Variants in SENP6 observed in about 807,000 individuals in gnomAD.
The protein encoded by SENP6 is SUMO specific peptidase 6, also known as sentrin-specific protease 6.
Under a neutral mutation model 134.5 loss-of-function variants are expected in SENP6, and 41 were observed. That is an observed-to-expected ratio of 0.30 (90% CI 0.24 to 0.40). The LOEUF is 0.40. SENP6 is among the 10% of genes least tolerant of loss of function. The pLI, the probability that SENP6 is intolerant of heterozygous loss-of-function variation, is 1.00. For synonymous variants in SENP6, 395 were observed against 429.8 expected, an observed-to-expected ratio of 0.92 and a Z score of 1.00; for missense variants, 1,248 against 1,312.5, an observed-to-expected ratio of 0.95 and a Z score of 0.76.
chr6:75,701,972 A>G (rs1317457643), intron 18 of SENP6, among the ~76,000 whole-genome samples: 3 of 152,130 alleles, frequency 2.0e-5, no homozygotes, highest in African/African-American at 7.2e-5. Flanking sequence ...ATAGCTTTCC[A>G]TCTTTTTACA....
chr6:75,614,409 G>A (rs1767696068), intron 1 of SENP6, among the ~76,000 whole-genome samples: 1 of 151,910 alleles, frequency 6.6e-6, no homozygotes, highest in African/African-American at 2.4e-5. Context: ...GGGATTACAG[G>A]TGTGCACCAC....
chr6:75,602,555 G>A lies in SENP6; in HGVS notation c.31G>A (p.Gly11Arg). The change falls in exon 1 of 24, where the codon GGG becomes AGG. Residue 11 changes from glycine to arginine, a missense_variant. Coordinates refer to ENST00000447266, the MANE Select transcript of SENP6 (RefSeq NM_015571.4). MAAGKSGGSA[G>R]EITFLEALAR... ...GGCCGGCAAGAGCGGCGGTAGCGCA[G>A]GGGAGATTACTTTTCTGGAAGGTAC... is the stretch of plus-strand genomic sequence containing the variant. 2 of 1,551,614 alleles carry A rather than the reference G, an allele frequency of 1.3e-6. No individual in the cohort carries two copies. The highest frequency in any genetic ancestry group is 2.4e-5 in the East Asian group (1 of 40,910).
At position 75,663,086 on chromosome 6, in the gene SENP6, A is replaced by G. The variant is rs561952208; in HGVS notation, c.697-135A>G. The stretch of plus-strand genomic sequence containing the variant: ...CTTTGAGGGGATTCCTTAATGATGC[A>G]GTAAAATGCCAAAATCTTTTATTTC... On this transcript the variant is annotated intron_variant, in intron 8 of 23. Transcript: ENST00000447266. 3.5e-4 allele frequency: 270 copies of G among 767,646 alleles called. No homozygotes were observed. In the Middle Eastern group the frequency reaches 4.2e-3, roughly 12 times the overall value. 47.6% of individuals were successfully genotyped at this position (767,646 alleles called of 1,614,324 possible).
chr6:75,624,227 G>A (rs10943273), intron 3 of SENP6, among the ~76,000 whole-genome samples: 47,587 of 151,796 alleles, frequency 0.31, 8,781 homozygotes, highest in Admixed American at 0.48. Context: ...ATATTATCTT[G>A]GAGACCATCT....
In SENP6 at chr6:75,625,137, G is replaced by A. The variant is rs534392708; in HGVS notation, c.207+1177G>A. On this transcript the variant is annotated intron_variant, in intron 3 of 23. Coordinates refer to ENST00000447266, the MANE Select transcript of SENP6 (RefSeq NM_015571.4). Reference sequence around the variant, plus strand: ...CTTTTTTTTTTTTTTTTTTTCAGACGGAGTCTGGCTCTTGCCCAGAATAGA... The same window carrying A: ...CTTTTTTTTTTTTTTTTTTTCAGACAGAGTCTGGCTCTTGCCCAGAATAGA... Among the ~76,000 whole-genome samples the A allele has an allele frequency of 1.7e-3, 168 of 101,518 alleles. 6 individuals are homozygous for A. The highest frequency in any genetic ancestry group is 5.0e-4 in the Non-Finnish European group (26 of 52,278). 66.6% of individuals were successfully genotyped at this position (101,518 alleles called of 152,430 possible).
intron 12 of SENP6, 92 bp downstream of exon 12, chr6:75,675,560 T>A: frequency 1.2e-6 from 1 of 802,770 alleles, no homozygotes; most frequent in Non-Finnish European, 1.9e-6. Flanking sequence ...TCATAGAATT[T>A]ATTAAGATGG....
chr6:75,704,078 C>T (rs537199353), intron 19 of SENP6, among the ~76,000 whole-genome samples: 1 of 152,160 alleles, frequency 6.6e-6, no homozygotes, highest in African/African-American at 2.4e-5. Context: ...GTGAACAGTC[C>T]TGAAGGGGTG....
At chr6:75,637,465 T>G (rs1412501794) in intron 5 of SENP6, among the ~76,000 whole-genome samples, 2 of 152,202 alleles carry the variant, frequency 1.3e-5, no homozygotes, top group Non-Finnish European at 2.9e-5. Context: ...TAAATTCATA[T>G]TTAAAAGATA....
Position 75,640,686 on chromosome 6 carries a change from G to A in SENP6, c.461G>A (p.Ser154Asn). The change falls in exon 6 of 24, where the codon AGT (serine) becomes AAT (asparagine). Residue 154 changes from serine (S) to asparagine (N), a missense_variant and splice_region_variant. By Grantham distance (46) the Ser-to-Asn change is conservative. Around this residue, in one of 3 missense-constraint regions of SENP6, gnomAD observed 733 missense variants for 725.4 expected, o/e 1.01. Coordinates refer to ENST00000447266, the MANE Select transcript of SENP6 (RefSeq NM_015571.4). ...TTTTTTCTTTTTCATGTTTTAAGCAGTCTGGACCGAAAAGAAAGGTAAGCT... is the reference window on the plus strand; with the variant it reads ...TTTTTTCTTTTTCATGTTTTAAGCAATCTGGACCGAAAAGAAAGGTAAGCT... Reference protein sequence around the residue: ...IPVVKTAAQSSLDRKERKEYP... With the variant: ...IPVVKTAAQSNLDRKERKEYP... 1 of 1,530,778 alleles carries A rather than the reference G, an allele frequency of 6.5e-7. No individual in the cohort carries two copies. The allele number at this position is 1,530,778 out of a possible 1,614,324, so 94.8% of individuals were successfully genotyped here.
At position 75,663,418 on chromosome 6, in the gene SENP6, T is replaced by C. The variant is rs758078754; in HGVS notation, c.894T>C (p.Tyr298=). ...ATTGTGATGACAGTAAACACACTTA[T>C]TTACAGACTAATGGAAAAGTCATTT... is the stretch of plus-strand genomic sequence containing the variant. ...IVNCDDSKHT[Y]LQTNGKVILP... is the part of the protein sequence containing the mutation. Residue 298 remains tyrosine, a synonymous_variant, in exon 9 of 24, where the codon TAT becomes TAC. Coordinates refer to ENST00000447266, the MANE Select transcript of SENP6 (RefSeq NM_015571.4). 32 of 1,613,462 alleles carry C rather than the reference T, an allele frequency of 2.0e-5. No individual in the cohort carries two copies. The highest frequency in any genetic ancestry group is 1.8e-4 in the East Asian group (8 of 44,794).
intron 2 of SENP6, 39 bp downstream of exon 2, chr6:75,621,664 A>G (rs181706733): frequency 1.6e-6 from 2 of 1,223,466 alleles, no homozygotes; most frequent in Admixed American, 2.0e-5. Flanking sequence ...TTATAAGAAT[A>G]AAACTTCTCA....
intron 7 of SENP6, among the ~76,000 whole-genome samples, chr6:75,651,440 G>T (rs1044444727): frequency 2.0e-5 from 3 of 152,010 alleles, no homozygotes; most frequent in Non-Finnish European, 4.4e-5. Flanking sequence ...CTGCAGCCTC[G>T]ACCTCCTAGT....
intron 3 of SENP6, among the ~76,000 whole-genome samples, chr6:75,626,078 A>G (rs1261856406): frequency 6.6e-6 from 1 of 152,060 alleles, no homozygotes; most frequent in African/African-American, 2.4e-5. Context: ...GTAATTTGAA[A>G]TTGTTTATTT....
intron 21 of SENP6, 47 bp downstream of exon 21, chr6:75,711,463 G>T (rs1043361159): frequency 3.9e-6 from 5 of 1,274,920 alleles, no homozygotes; most frequent in African/African-American, 1.5e-5. Context: ...TTTTAAGTAT[G>T]CTCATAAAAC....
intron 5 of SENP6, chr6:75,635,186 A>T: frequency 4.3e-6 from 1 of 233,198 alleles, no homozygotes; most frequent in South Asian, 5.8e-5. Flanking sequence ...GGCTTATAAG[A>T]GTTCATAGCA....
At chr6:75,614,390 C>T (rs559282276) in intron 1 of SENP6, among the ~76,000 whole-genome samples, 1 of 151,832 alleles carries the variant, frequency 6.6e-6, no homozygotes, top group Non-Finnish European at 1.5e-5. Flanking sequence ...CTCAGCCTCC[C>T]GAGTAGCTGG....
At chr6:75,621,719 G>T in intron 2 of SENP6, 94 bp downstream of exon 2, 2 of 707,892 alleles carry the variant, frequency 2.8e-6, no homozygotes, top group South Asian at 2.0e-5. Flanking sequence ...TTAGGAGTAT[G>T]GTATTCTTAA....
intron 20 of SENP6, among the ~76,000 whole-genome samples, chr6:75,710,708 C>T (rs1222752502): frequency 6.6e-6 from 1 of 152,056 alleles, no homozygotes; most frequent in Non-Finnish European, 1.5e-5. Context: ...TACTATTATT[C>T]CTACTATTGA....
At position 75,672,414 on chromosome 6, in the gene SENP6, A is replaced by G. The variant is rs543508960; in HGVS notation, c.1392+1694A>G. Among the ~76,000 whole-genome samples the G allele has an allele frequency of 2.0e-5, 3 of 152,342 alleles. No homozygotes were observed. The South Asian group carries it at 6.2e-4, about 32-fold the overall frequency. ...AGAAAAACTTTGTAAATTTAGTTAA[A>G]AAAATAAAAGGCAGTATATGTAACA... On this transcript the variant is annotated intron_variant, in intron 11 of 23. Coordinates refer to ENST00000447266, the MANE Select transcript of SENP6 (RefSeq NM_015571.4).
Sources: gnomAD v4.1 joint callset for allele counts (sites outside exome capture counted in the v4.1 genomes callset) on GRCh38, gnomAD v4.1.1 for gene constraint, gnomAD v4.1.1 regional missense constraint, MANE v1.5 for transcripts, NCBI Gene and HGNC (gene_info 2026-07-23, HGNC 2026-07-21) for gene names.